Variants in CCNB3 observed in about 807,000 individuals in gnomAD.
CCNB3 encodes the protein G2/mitotic-specific cyclin-B3.
In CCNB3, 12 loss-of-function variants were observed where a neutral mutation model predicts 68.0. The observed-to-expected ratio is 0.18, with a 90% confidence interval of 0.11 to 0.29. CCNB3 has a LOEUF of 0.29. CCNB3 is among the 10% of genes least tolerant of loss of function. CCNB3 has a pLI of 1.00. For missense variants in CCNB3, 904 were observed against 993.1 expected (o/e 0.91, Z 1.21); for synonymous variants, 354 against 388.9 (o/e 0.91, Z 1.06).
intron 1 of CCNB3, among the ~76,000 whole-genome samples, chrX:50,208,828 T>C (rs782103357): frequency 8.9e-6 from 1 of 112,175 alleles, no homozygotes; most frequent in Non-Finnish European, 1.9e-5. Context: ...TGTTGTTCTT[T>C]AAATATTTTG....
Position 50,350,636 on chromosome X carries a change from T to C in CCNB3, c.3961-605T>C, listed in dbSNP as rs782459678. 2.7e-5 allele frequency among the ~76,000 whole-genome samples: 3 copies of C among 110,692 alleles called. No homozygotes were observed. The South Asian group carries it at 1.2e-3, about 44-fold the overall frequency. On this transcript the variant is annotated intron_variant, in intron 11 of 12. Coordinates refer to ENST00000376042, the MANE Select transcript of CCNB3 (RefSeq NM_033031.3). Reference sequence around the variant, plus strand: ...GAGAGTGAGCAAATTACAAAATCAGTCCCGTTCCTTAGGACTGGTGAATTT... The same window carrying C: ...GAGAGTGAGCAAATTACAAAATCAGCCCCGTTCCTTAGGACTGGTGAATTT...
chrX:50,311,377 A>G lies in CCNB3; in HGVS notation c.3208A>G (p.Lys1070Glu). The change falls in exon 6 of 13, where the codon AAG (lysine) becomes GAG (glutamate). Residue 1070 changes from lysine to glutamate, a missense_variant. Transcript: ENST00000376042. ...FSTTPESITE[K>E]SSIATMTSVG... ...CACCACCCCTGAATCCATAACAGAG[A>G]AGTCCAGCATTGCAACCATGACCAG... 6 of 1,211,093 alleles carry G rather than the reference A, an allele frequency of 5.0e-6. No individual in the cohort carries two copies. Among genetic ancestry groups the G allele is most frequent in the Non-Finnish European group, 6.7e-6 (6 of 895,295 alleles).
At chrX:50,295,302 G>T (rs1557210731) in intron 5 of CCNB3, among the ~76,000 whole-genome samples, 1 of 111,513 alleles carries the variant, frequency 9.0e-6, no homozygotes, top group East Asian at 2.8e-4. Context: ...TTTATAGTGT[G>T]GAGACAACTT....
At chrX:50,226,480 T>A (rs1935809708) in intron 1 of CCNB3, among the ~76,000 whole-genome samples, 10 of 76,835 alleles carry the variant, frequency 1.3e-4, no homozygotes, top group African/African-American at 4.9e-4. Context: ...TATATATAAA[T>A]ATATATAGAA....
At chrX:50,228,252 T>C (rs1476087017) in intron 1 of CCNB3, among the ~76,000 whole-genome samples, 4 of 89,047 alleles carry the variant, frequency 4.5e-5, no homozygotes, top group Non-Finnish European at 8.6e-5. Context: ...TATATATAAA[T>C]ACATAGAATA....
At chrX:50,288,480 G>C (rs1936283089) in intron 3 of CCNB3, among the ~76,000 whole-genome samples, 1 of 111,291 alleles carries the variant, frequency 9.0e-6, no homozygotes, top group Non-Finnish European at 1.9e-5. Context: ...GTAAGTATGA[G>C]AGAAGTAAGA....
At chrX:50,350,822 A>T (rs1314039022) in intron 11 of CCNB3, among the ~76,000 whole-genome samples, 3 of 109,519 alleles carry the variant, frequency 2.7e-5, no homozygotes, top group Non-Finnish European at 3.8e-5. Context: ...CAGCCTCCCG[A>T]GTAGCTGGGA....
At chrX:50,303,850 T>C (rs1478714637) in intron 5 of CCNB3, among the ~76,000 whole-genome samples, 1 of 111,585 alleles carries the variant, frequency 9.0e-6, no homozygotes, top group African/African-American at 3.3e-5. Flanking sequence ...AGAAGTCTAA[T>C]TTGTTTTTTC....
intron 1 of CCNB3, among the ~76,000 whole-genome samples, chrX:50,279,200 A>T (rs1379832938): frequency 7.2e-4 from 2 of 2,794 alleles, no homozygotes; most frequent in East Asian, 0.048. Context: ...TCTATATATA[A>T]ATATATAGAG....
intron 1 of CCNB3, among the ~76,000 whole-genome samples, chrX:50,279,498 T>A (rs1480482693): frequency 2.4e-5 from 2 of 83,305 alleles, no homozygotes; most frequent in Non-Finnish European, 4.4e-5. Flanking sequence ...TATATAAATA[T>A]ATATGAATGT....
chrX:50,338,815 G>A (rs782230482), intron 8 of CCNB3, among the ~76,000 whole-genome samples: 2 of 112,278 alleles, frequency 1.8e-5, no homozygotes, highest in Admixed American at 9.4e-5. Flanking sequence ...GGCCTCTTTA[G>A]CCTGGACTTC....
chrX:50,279,287 T>C (rs1326774317), intron 1 of CCNB3, among the ~76,000 whole-genome samples: 5 of 72,307 alleles, frequency 6.9e-5, no homozygotes, highest in Admixed American at 6.4e-4. Flanking sequence ...CATATTCATA[T>C]ATAAATATAT....
chrX:50,280,134 T>C (rs1936098436), intron 1 of CCNB3, among the ~76,000 whole-genome samples: 1 of 82,831 alleles, frequency 1.2e-5, no homozygotes, highest in Non-Finnish European at 2.2e-5. Context: ...ATAGAATATA[T>C]GTAAAAATAT....
chrX:50,281,518 C>T (rs1319254747), intron 1 of CCNB3, among the ~76,000 whole-genome samples: 1 of 111,072 alleles, frequency 9.0e-6, no homozygotes, highest in Non-Finnish European at 1.9e-5. Context: ...GGGCGTCACT[C>T]CAGCCCCTTG....
intron 12 of CCNB3, 95 bp downstream of exon 12, chrX:50,351,466 G>T: frequency 9.0e-7 from 1 of 1,106,357 alleles, no homozygotes; most frequent in East Asian, 3.0e-5. Flanking sequence ...AAGAGAAAAA[G>T]ATTCAGGCAC....
At chrX:50,303,569 A>G (rs782275751) in intron 5 of CCNB3, among the ~76,000 whole-genome samples, 12 of 109,727 alleles carry the variant, frequency 1.1e-4, no homozygotes, top group African/African-American at 4.0e-4. Flanking sequence ...CTTATTGGCT[A>G]TTTGGTACTT....
In CCNB3 at chrX:50,294,860, C is replaced by T; in HGVS notation, c.205-3C>T. The T allele has an allele frequency of 8.5e-7, 1 of 1,176,456 alleles. No homozygotes were observed. The highest frequency in any genetic ancestry group is 1.1e-6 in the Non-Finnish European group (1 of 878,890). On this transcript the variant is annotated splice_polypyrimidine_tract_variant and splice_region_variant and intron_variant, in intron 4 of 12. Transcript: ENST00000376042. ...GCCCCCCAACCCACCTTTTTTTTTG[C>T]AGGCTTCTCAATGTCAACCTGTCCA...
intron 8 of CCNB3, 111 bp from the exon 9 acceptor site, chrX:50,342,091 C>A (rs1454845532): frequency 2.3e-6 from 2 of 885,308 alleles, no homozygotes; most frequent in Non-Finnish European, 3.3e-6. Flanking sequence ...AGAGTCCCAG[C>A]TAGTCAGGAC....
intron 3 of CCNB3, 80 bp downstream of exon 3, chrX:50,285,339 G>A (rs1936216854): frequency 1.3e-6 from 1 of 764,935 alleles, no homozygotes; most frequent in African/African-American, 2.0e-5. Flanking sequence ...TCACCTGTGA[G>A]TCTTTTGAAA....
Sources: gnomAD v4.1 joint callset for allele counts (sites outside exome capture counted in the v4.1 genomes callset) on GRCh38, gnomAD v4.1.1 for gene constraint, MANE v1.5 for transcripts, NCBI Gene and HGNC (gene_info 2026-07-23, HGNC 2026-07-21) for gene names.